Variants in HEXIM2 observed in about 807,000 individuals in gnomAD.
HEXIM2 encodes protein HEXIM2.
For missense variants in HEXIM2, 413 were observed against 390.8 expected (o/e 1.06, Z -0.48); for synonymous variants, 159 against 162.7 (o/e 0.98, Z 0.17).
In HEXIM2 at chr17:45,167,047, C is replaced by G. The variant is rs926579503; in HGVS notation, c.67-1968C>G. ...CTCAAAAAAAAAAAAAAAAAAAGCCCAGGTGCAGTGGCTCATGCCTATAAT... is the reference window on the plus strand; with the variant it reads ...CTCAAAAAAAAAAAAAAAAAAAGCCGAGGTGCAGTGGCTCATGCCTATAAT... On this transcript the variant is annotated intron_variant, in intron 3 of 3. Coordinates refer to ENST00000589230, the MANE Select transcript of HEXIM2 (RefSeq NM_001303441.2). Among the ~76,000 whole-genome samples the G allele has an allele frequency of 4.7e-5, 4 of 85,990 alleles. No homozygotes were observed. The Admixed American group carries it at 5.1e-4, about 11-fold the overall frequency. 56.4% of individuals were successfully genotyped at this position (85,990 alleles called of 152,430 possible).
Position 45,169,104 on chromosome 17 carries a change from C to T in HEXIM2, c.156C>T (p.His52=), listed in dbSNP as rs750013841. 2.5e-6 allele frequency: 4 copies of T among 1,613,986 alleles called. No individual in the cohort carries two copies. The highest frequency in any genetic ancestry group is 3.4e-6 in the Non-Finnish European group (4 of 1,180,048). ...SLPLTPRMES[H]SEDEDLAGAV... ...CCCTGACACCGCGGATGGAGAGCCA[C>T]TCAGAGGATGAAGATCTTGCTGGGG... The change falls in exon 4 of 4, where the codon CAC becomes CAT. Residue 52 remains histidine (H), a synonymous_variant. Transcript: ENST00000589230.
upstream of HEXIM2, chr17:45,160,745 G>T (rs181966347): frequency 8.2e-4 from 351 of 426,434 alleles, 1 homozygote; most frequent in African/African-American, 6.7e-3. Flanking sequence ...GCTAGGTCAG[G>T]TTGTCCGGAG....
chr17:45,169,591 C>A lies in HEXIM2; in HGVS notation c.643C>A (p.Arg215=). Residue 215 remains arginine, a synonymous_variant, in exon 4 of 4, where the codon CGA becomes AGA. Coordinates refer to ENST00000589230, the MANE Select transcript of HEXIM2 (RefSeq NM_001303441.2). The part of the protein sequence containing the change: ...LQGRSKQELV[R]DYLELEKRLS... ...GGGCCGCAGCAAGCAGGAGCTGGTGCGAGACTACCTGGAGCTGGAGAAGCG... is the reference window on the plus strand; with the variant it reads ...GGGCCGCAGCAAGCAGGAGCTGGTGAGAGACTACCTGGAGCTGGAGAAGCG... The A allele has an allele frequency of 6.5e-7, 1 of 1,544,594 alleles. No individual in the cohort carries two copies. Among genetic ancestry groups the A allele is most frequent in the Non-Finnish European group, 8.7e-7 (1 of 1,144,230 alleles).
At chr17:45,161,021 C>A, upstream of HEXIM2, 2 of 1,144,482 alleles carry the variant, frequency 1.7e-6, no homozygotes, top group Non-Finnish European at 2.3e-6. Flanking sequence ...AGACCTGCGA[C>A]CTCCGCCCTC....
In HEXIM2 at chr17:45,169,499, C is replaced by T. The variant is rs947856275; in HGVS notation, c.551C>T (p.Ala184Val). 8.1e-6 allele frequency: 13 copies of T among 1,610,982 alleles called. No individual in the cohort carries two copies. Among genetic ancestry groups the T allele is most frequent in the South Asian group, 1.1e-5 (1 of 90,708 alleles). ...GGGGACAGTGATGGGCGGGGCCGAG[C>T]GCACGGTGAGTTCCAGCGGAAGGAC... ...EAGDSDGRGR[A>V]HGEFQRKDFS... Residue 184 changes from alanine to valine, a missense_variant, in exon 4 of 4, where the codon GCG becomes GTG. Ala to Val is a moderately conservative substitution (Grantham distance 64, BLOSUM62 0). Coordinates refer to ENST00000589230, the MANE Select transcript of HEXIM2 (RefSeq NM_001303441.2).
At chr17:45,165,371 C>T (rs1006841917) in intron 3 of HEXIM2, among the ~76,000 whole-genome samples, 17 of 152,198 alleles carry the variant, frequency 1.1e-4, no homozygotes, top group East Asian at 5.8e-4. Context: ...TCTTAAGGGC[C>T]GCGCATACAC....
rs879017224 is a variant in HEXIM2 at position 45,168,951 on chromosome 17, G to A, written c.67-64G>A. The A allele has an allele frequency of 4.8e-6, 7 of 1,462,002 alleles. No individual in the cohort carries two copies. The South Asian group carries it at 6.5e-5, about 14-fold the overall frequency. 90.6% of individuals were successfully genotyped at this position (1,462,002 alleles called of 1,614,324 possible). A position where few individuals can be genotyped will look rare whatever the true frequency, so the allele number is the denominator to read the frequency against. ...GGTAGGCTTCAGGCTAGGTAGAGAG[G>A]GAAAGGTTCCACCTCCAAGGACAGG... is the stretch of plus-strand genomic sequence containing the variant. On this transcript the variant is annotated intron_variant, in intron 3 of 3. Transcript: ENST00000589230.
intron 3 of HEXIM2, among the ~76,000 whole-genome samples, chr17:45,165,351 T>C (rs1469542678): frequency 6.6e-6 from 1 of 152,152 alleles, no homozygotes; most frequent in Non-Finnish European, 1.5e-5. Context: ...ACACATGACA[T>C]ATGCCTGGCT....
chr17:45,168,344 G>A (rs772835904), intron 3 of HEXIM2, among the ~76,000 whole-genome samples: 2 of 151,652 alleles, frequency 1.3e-5, no homozygotes, highest in South Asian at 2.1e-4. Flanking sequence ...TTAGCCAGGC[G>A]TGGTGGCACG....
chr17:45,167,632 G>A (rs1350579858), intron 3 of HEXIM2, among the ~76,000 whole-genome samples: 1 of 152,032 alleles, frequency 6.6e-6, no homozygotes. Context: ...TTGTTTGTTT[G>A]TTTGTTTGTT....
In HEXIM2 at chr17:45,169,443, C is replaced by T; in HGVS notation, c.495C>T (p.Ser165=). The change falls in exon 4 of 4, where the codon TCC becomes TCT. Residue 165 remains serine (S), a synonymous_variant. Coordinates refer to ENST00000589230, the MANE Select transcript of HEXIM2 (RefSeq NM_001303441.2). ...ACTTGGATGTGCCCCATGGGATCTC[C>T]CACCCAGGTTCCAGTGGGGAGAGTG... ...EPNLDVPHGI[S]HPGSSGESEA... 2 of 1,613,928 alleles carry T rather than the reference C, an allele frequency of 1.2e-6. No individual in the cohort carries two copies. The highest frequency in any genetic ancestry group is 8.5e-7 in the Non-Finnish European group (1 of 1,179,998).
intron 1 of HEXIM2, 100 bp from the exon 2 acceptor site, chr17:45,162,388 C>T: frequency 1.1e-6 from 1 of 946,742 alleles, no homozygotes; most frequent in Non-Finnish European, 1.3e-6. Context: ...GCTGCACTCC[C>T]AGCCTCCCCA....
chr17:45,162,408 C>G, intron 1 of HEXIM2, 80 bp from the exon 2 acceptor site: 5 of 1,059,966 alleles, frequency 4.7e-6, no homozygotes, highest in Non-Finnish European at 5.8e-6. Context: ...AGGCAGTCCT[C>G]CTTTGCCCCT....
chr17:45,160,265 G>C (rs1259174633), upstream of HEXIM2, among the ~76,000 whole-genome samples: 1 of 152,110 alleles, frequency 6.6e-6, no homozygotes, highest in Non-Finnish European at 1.5e-5. Flanking sequence ...CTATACATAT[G>C]AAGTAGATAA....
intron 3 of HEXIM2, among the ~76,000 whole-genome samples, chr17:45,165,988 G>T (rs1486166740): frequency 6.6e-6 from 1 of 151,826 alleles, no homozygotes; most frequent in East Asian, 1.9e-4. Flanking sequence ...GTAGAGACGG[G>T]GTTTGGCCAT....
intron 3 of HEXIM2, 71 bp from the exon 4 acceptor site, chr17:45,168,944 T>C (rs2042942677): frequency 1.2e-5 from 17 of 1,410,170 alleles, no homozygotes; most frequent in Non-Finnish European, 1.6e-5. Flanking sequence ...TCAGGCTAGG[T>C]AGAGAGGGAA....
Position 45,169,500 on chromosome 17 carries a change from G to A in HEXIM2, c.552G>A (p.Ala184=), listed in dbSNP as rs199776577. ...GGGACAGTGATGGGCGGGGCCGAGCGCACGGTGAGTTCCAGCGGAAGGACT... is the reference window on the plus strand; with the variant it reads ...GGGACAGTGATGGGCGGGGCCGAGCACACGGTGAGTTCCAGCGGAAGGACT... The part of the protein sequence containing the change: ...EAGDSDGRGR[A]HGEFQRKDFS... The change falls in exon 4 of 4, where the codon GCG becomes GCA. Residue 184 remains alanine, a synonymous_variant. Coordinates refer to ENST00000589230, the MANE Select transcript of HEXIM2 (RefSeq NM_001303441.2). 454 of 1,610,724 alleles carry A rather than the reference G, an allele frequency of 2.8e-4. No individual in the cohort carries two copies. Among genetic ancestry groups the A allele is most frequent in the Non-Finnish European group, 3.6e-4 (429 of 1,178,602 alleles).
rs2042963274 is a variant in HEXIM2 at position 45,169,428 on chromosome 17, GC to G, written c.484del (p.His162MetfsTer156). ...RDPEEPNLDV[P>X]HGISHPGSSG... ...ACCCGGAGGAGCCCAACTTGGATGT[GC>G]CCCATGGGATCTCCCACCCAGGTTC... On this transcript the variant is annotated frameshift_variant, in exon 4 of 4. Transcript: ENST00000589230. LOFTEE classifies it low-confidence loss of function (END_TRUNC). 1 of 1,613,972 alleles carries G rather than the reference GC, an allele frequency of 6.2e-7. No homozygotes were observed. The highest frequency in any genetic ancestry group is 8.5e-7 in the Non-Finnish European group (1 of 1,179,998).
chr17:45,164,987 G>A (rs756750118), intron 3 of HEXIM2, among the ~76,000 whole-genome samples: 14 of 152,300 alleles, frequency 9.2e-5, no homozygotes, highest in Non-Finnish European at 1.8e-4. Flanking sequence ...TGGTGGTAGA[G>A]GGCCAAGTCT....
Sources: allele counts gnomAD v4.1 joint callset (sites outside exome capture counted in the v4.1 genomes callset), GRCh38; gene constraint gnomAD v4.1.1; transcripts MANE v1.5; gene names NCBI Gene and HGNC (gene_info 2026-07-23, HGNC 2026-07-21).